DAPK1: variants seen among roughly 807,000 people sequenced by gnomAD.
DAPK1 encodes death associated protein kinase 1.
DAPK1 carries 56 observed loss-of-function variants against 144.9 expected under a neutral mutation model. The observed-to-expected ratio is 0.39, with a 90% confidence interval of 0.31 to 0.48. The LOEUF (loss-of-function observed/expected upper bound fraction) is 0.48, where lower values mean the gene tolerates loss of function less well. DAPK1 is among the 20% of genes least tolerant of loss of function. The pLI, the probability that DAPK1 is intolerant of heterozygous loss-of-function variation, is 0.95. For synonymous variants in DAPK1, 690 were observed against 749.0 expected (o/e 0.92, Z 1.29); for missense variants, 1,454 against 1,875.4 (o/e 0.78, Z 4.15).
intron 2 of DAPK1, among the ~76,000 whole-genome samples, chr9:87,502,259 A>G (rs542157564): frequency 2.0e-4 from 31 of 152,076 alleles, no homozygotes; most frequent in Admixed American, 1.5e-3. Context: ...TCCAAGCAGA[A>G]GCAAGTCCCT....
At position 87,637,992 on chromosome 9, in the gene DAPK1, A is replaced by T; in HGVS notation, c.334A>T (p.Thr112Ser). Reference sequence around the variant, plus strand: ...CTTCTTAGCTGAAAAGGAATCTTTAACTGAAGAGGAAGCAACTGAATTTCT... The same window carrying T: ...CTTCTTAGCTGAAAAGGAATCTTTATCTGAAGAGGAAGCAACTGAATTTCT... ...FDFLAEKESL[T>S]EEEATEFLKQ... The change falls in exon 4 of 26, where the codon ACT (threonine) becomes TCT (serine). Residue 112 changes from threonine to serine, a missense_variant. By Grantham distance (58) the Thr-to-Ser change is moderately conservative. Coordinates refer to ENST00000408954, the MANE Select transcript of DAPK1 (RefSeq NM_004938.4). 6.2e-7 allele frequency: 1 copy of T among 1,614,168 alleles called. No homozygotes were observed. Among genetic ancestry groups the T allele is most frequent in the Non-Finnish European group, 8.5e-7 (1 of 1,179,998 alleles).
chr9:87,591,471 C>T (rs1415263643), intron 2 of DAPK1, among the ~76,000 whole-genome samples: 1 of 152,116 alleles, frequency 6.6e-6, no homozygotes, highest in African/African-American at 2.4e-5. Flanking sequence ...AGGTAGTCAG[C>T]ATATAAATTT....
intron 2 of DAPK1, among the ~76,000 whole-genome samples, chr9:87,586,475 A>G (rs1013282002): frequency 6.6e-6 from 1 of 152,190 alleles, no homozygotes; most frequent in African/African-American, 2.4e-5. Context: ...ATATGTATAT[A>G]CTTATGTAAT....
intron 2 of DAPK1, among the ~76,000 whole-genome samples, chr9:87,602,825 G>A (rs1828573169): frequency 6.6e-6 from 1 of 151,786 alleles, no homozygotes; most frequent in African/African-American, 2.4e-5. Context: ...GTAGAGACGG[G>A]GTTTCACCAT....
At chr9:87,568,780 G>T (rs1827226546) in intron 2 of DAPK1, among the ~76,000 whole-genome samples, 1 of 152,186 alleles carries the variant, frequency 6.6e-6, no homozygotes, top group African/African-American at 2.4e-5. Context: ...GCCATATAGT[G>T]TTGGGGCTGT....
intron 2 of DAPK1, among the ~76,000 whole-genome samples, chr9:87,531,812 A>C (rs73492351): frequency 0.049 from 7,469 of 152,278 alleles, 612 homozygotes; most frequent in African/African-American, 0.17. Flanking sequence ...ATTGGAATGC[A>C]GGAAGAGAGG....
chr9:87,581,758 G>A (rs1827760006), intron 2 of DAPK1, among the ~76,000 whole-genome samples: 1 of 152,194 alleles, frequency 6.6e-6, no homozygotes, highest in African/African-American at 2.4e-5. Flanking sequence ...TTGGAAACTT[G>A]GAGAAACTTT....
chr9:87,668,535 G>A lies in DAPK1; in HGVS notation c.1924-62G>A, dbSNP rs12338700. Reference sequence around the variant, plus strand: ...TCTGCCTCAGACCCACGGAATTGGCGTATGGAACACACACAGCTCTCCTTT... The same window carrying A: ...TCTGCCTCAGACCCACGGAATTGGCATATGGAACACACACAGCTCTCCTTT... On this transcript the variant is annotated intron_variant, in intron 18 of 25. Transcript: ENST00000408954. 19,752 of 891,784 alleles carry A rather than the reference G, an allele frequency of 0.022. 1,703 individuals carry two copies. In the African/African-American group the frequency reaches 0.23, roughly 10 times the overall value. 55.2% of individuals were successfully genotyped at this position (891,784 alleles called of 1,614,324 possible).
chr9:87,581,995 C>G (rs78737068), intron 2 of DAPK1, among the ~76,000 whole-genome samples: 1 of 152,004 alleles, frequency 6.6e-6, no homozygotes, highest in African/African-American at 2.4e-5. Flanking sequence ...AAAAAATAAC[C>G]AAGGTTTAAA....
intron 3 of DAPK1, among the ~76,000 whole-genome samples, chr9:87,625,527 C>G (rs151172894): frequency 6.6e-6 from 1 of 152,156 alleles, no homozygotes; most frequent in African/African-American, 2.4e-5. Flanking sequence ...TGGGCTCAGG[C>G]GATCATCAGT....
chr9:87,646,851 A>C (rs2119162057), intron 13 of DAPK1, among the ~76,000 whole-genome samples: 1 of 152,184 alleles, frequency 6.6e-6, no homozygotes, highest in Non-Finnish European at 1.5e-5. Flanking sequence ...TAGATGTCAC[A>C]CATGAAAAAG....
chr9:87,579,740 G>T (rs1201773411), intron 2 of DAPK1, among the ~76,000 whole-genome samples: 1 of 152,116 alleles, frequency 6.6e-6, no homozygotes, highest in Non-Finnish European at 1.5e-5. Context: ...GAAATCAGCT[G>T]CAGGAATGAA....
At chr9:87,632,468 G>C in intron 3 of DAPK1, 2 of 979,520 alleles carry the variant, frequency 2.0e-6, no homozygotes, top group Non-Finnish European at 2.4e-6. Context: ...ATATATATAG[G>C]AATGAAGGGT....
At position 87,681,452 on chromosome 9, in the gene DAPK1, C is replaced by G. The variant is rs779468165; in HGVS notation, c.2050C>G (p.Leu684Val). Residue 684 changes from leucine (L) to valine (V), a missense_variant, in exon 20 of 26, where the codon CTG becomes GTG. Coordinates refer to ENST00000408954, the MANE Select transcript of DAPK1 (RefSeq NM_004938.4). Reference protein sequence around the residue: ...FIQQLRPTQNLQPRIKLKLFG... With the variant: ...FIQQLRPTQNVQPRIKLKLFG... ...CCAGCAGCTCCGACCCACACAGAAC[C>G]TGCAGCCAAGAATTAAGCTCAAGCT... is the stretch of plus-strand genomic sequence containing the variant. The G allele has an allele frequency of 1.2e-6, 2 of 1,613,694 alleles. No homozygotes were observed. Among genetic ancestry groups the G allele is most frequent in the South Asian group, 2.2e-5 (2 of 91,078 alleles).
intron 9 of DAPK1, 83 bp downstream of exon 9, chr9:87,640,930 C>A: frequency 6.2e-6 from 8 of 1,297,958 alleles, no homozygotes; most frequent in Non-Finnish European, 9.0e-6. Flanking sequence ...TCATAGAGTA[C>A]TGCTAACCAC....
chr9:87,562,613 A>AG (rs1826970287), intron 2 of DAPK1, among the ~76,000 whole-genome samples: 1 of 152,220 alleles, frequency 6.6e-6, no homozygotes, highest in Admixed American at 6.5e-5. Context: ...TTTATAGAAA[A>AG]GAGTATTAGG....
chr9:87,624,330 T>G (rs1166327385), intron 3 of DAPK1, among the ~76,000 whole-genome samples: 1 of 152,214 alleles, frequency 6.6e-6, no homozygotes, highest in African/African-American at 2.4e-5. Context: ...ACTCCACCTG[T>G]GCTCCTCCAC....
At chr9:87,519,870 C>T (rs1825230252) in intron 2 of DAPK1, among the ~76,000 whole-genome samples, 1 of 152,092 alleles carries the variant, frequency 6.6e-6, no homozygotes, top group South Asian at 2.1e-4. Flanking sequence ...GAGAATAGGG[C>T]CGAGAGGACA....
intron 2 of DAPK1, among the ~76,000 whole-genome samples, chr9:87,581,142 C>T (rs942558950): frequency 6.6e-6 from 1 of 152,172 alleles, no homozygotes; most frequent in Non-Finnish European, 1.5e-5. Flanking sequence ...CACACTCTTT[C>T]CCTAGCTGTT....
Sources: allele counts gnomAD v4.1 joint callset (sites outside exome capture counted in the v4.1 genomes callset), GRCh38; gene constraint gnomAD v4.1.1; transcripts MANE v1.5; gene names NCBI Gene and HGNC (gene_info 2026-07-23, HGNC 2026-07-21).